The following NAALADL2 variants were observed in gnomAD, a reference collection of about 807,000 sequenced individuals.
NAALADL2 encodes the protein N-acetylated alpha-linked acidic dipeptidase like 2.
NAALADL2 carries 76 observed loss-of-function variants against 87.2 expected under a neutral mutation model. That is an observed-to-expected ratio of 0.87 (90% CI 0.72 to 1.05). The LOEUF (loss-of-function observed/expected upper bound fraction) is 1.05. Among genes scored for constraint, NAALADL2 ranks in the 50% least tolerant of loss-of-function variants. NAALADL2 has a pLI of 0.00. For synonymous variants in NAALADL2, 354 were observed against 331.0 expected, an observed-to-expected ratio of 1.07 and a Z score of -0.75; for missense variants, 1,089 against 945.8, an observed-to-expected ratio of 1.15 and a Z score of -1.99.
intron 4 of NAALADL2, among the ~76,000 whole-genome samples, chr3:175,315,843 A>G (rs2110347324): frequency 6.6e-6 from 1 of 152,308 alleles, no homozygotes; most frequent in African/African-American, 2.4e-5. Flanking sequence ...ATTCCCATAA[A>G]CCACATCATA....
intron 1 of NAALADL2, among the ~76,000 whole-genome samples, chr3:174,981,109 T>G (rs1340160512): frequency 6.6e-6 from 1 of 152,122 alleles, no homozygotes; most frequent in Non-Finnish European, 1.5e-5. Context: ...ATTAAAATAG[T>G]AAGAGAAAGT....
At position 174,883,083 on chromosome 3, in the gene NAALADL2, G is replaced by A. The variant is rs560801646; in HGVS notation, c.43+23633G>A. Among the ~76,000 whole-genome samples the A allele has an allele frequency of 5.3e-5, 8 of 152,102 alleles. No homozygotes were observed. In the South Asian group the frequency reaches 1.5e-3, roughly 28 times the overall value. On this transcript the variant is annotated intron_variant, in intron 1 of 13. Transcript: ENST00000454872. ...AGGGCAGGAAGCATCCAGCATGGGG[G>A]AAAGATGTAGGCTTGGAGGCTAGAC... is the stretch of plus-strand genomic sequence containing the variant.
At chr3:175,218,004 A>T in intron 2 of NAALADL2, 1 of 349,024 alleles carries the variant, frequency 2.9e-6, no homozygotes, top group South Asian at 2.3e-5. Flanking sequence ...GCTGTCATTA[A>T]TGTATAGCCT....
At position 175,419,305 on chromosome 3, in the gene NAALADL2, A is replaced by G. The variant is rs147992217; in HGVS notation, c.1091-27924A>G. On this transcript the variant is annotated intron_variant, in intron 5 of 13. Transcript: ENST00000454872. ...GGATACAAGTCAGTATGATATAAAT[A>G]TTTCAATAATATACTTGTATGTCCT... Among the ~76,000 whole-genome samples the G allele has an allele frequency of 3.9e-3, 599 of 152,008 alleles. 4 individuals carry two copies. Among genetic ancestry groups the G allele is most frequent in the African/African-American group, 0.012 (507 of 41,542 alleles).
At chr3:175,192,763 C>G (rs1277787362) in intron 2 of NAALADL2, among the ~76,000 whole-genome samples, 1 of 151,980 alleles carries the variant, frequency 6.6e-6, no homozygotes, top group Non-Finnish European at 1.5e-5. Context: ...GTATACTCAT[C>G]AAATCAGTAG....
intron 1 of NAALADL2, among the ~76,000 whole-genome samples, chr3:174,473,965 C>G (rs1717061544): frequency 6.6e-6 from 1 of 152,022 alleles, no homozygotes; most frequent in African/African-American, 2.4e-5. Flanking sequence ...CACAGGGTGG[C>G]AGGAGAGAGA....
chr3:175,402,293 G>A (rs186183532), intron 5 of NAALADL2, among the ~76,000 whole-genome samples: 1 of 152,102 alleles, frequency 6.6e-6, no homozygotes, highest in African/African-American at 2.4e-5. Flanking sequence ...ACTTTTAATA[G>A]AAAGCAATCA....
chr3:174,445,394 TC>T (rs1355068961), intron 1 of NAALADL2, among the ~76,000 whole-genome samples: 2 of 152,230 alleles, frequency 1.3e-5, no homozygotes, highest in East Asian at 3.9e-4. Context: ...ATAATTATAG[TC>T]CCAGTTATGT....
chr3:174,803,500 G>T (rs6445182), intron 3 of NAALADL2, among the ~76,000 whole-genome samples: 146,988 of 152,254 alleles, frequency 0.97, 71,009 homozygotes, highest in East Asian at 1. Flanking sequence ...TTTGTCAATT[G>T]TGGCTTTTGT....
intron 9 of NAALADL2, among the ~76,000 whole-genome samples, chr3:175,496,107 T>G (rs542786330): frequency 6.6e-6 from 1 of 152,234 alleles, no homozygotes; most frequent in Non-Finnish European, 1.5e-5. Context: ...GTCATTAATA[T>G]GAGATAATGC....
intron 1 of NAALADL2, among the ~76,000 whole-genome samples, chr3:174,999,763 C>T (rs1747984376): frequency 6.6e-6 from 1 of 152,122 alleles, no homozygotes; most frequent in South Asian, 2.1e-4. Flanking sequence ...TGGACACAGA[C>T]ATTTTTCAAT....
At chr3:175,137,776 T>G (rs1283205796) in intron 2 of NAALADL2, among the ~76,000 whole-genome samples, 1 of 149,464 alleles carries the variant, frequency 6.7e-6, no homozygotes, top group East Asian at 2.0e-4. Flanking sequence ...GTTTGTTTTG[T>G]TTTGTTTTGT....
At chr3:175,554,025 GCTGA>G (rs1714867747) in intron 9 of NAALADL2, among the ~76,000 whole-genome samples, 1 of 152,112 alleles carries the variant, frequency 6.6e-6, no homozygotes, top group Admixed American at 6.5e-5. Context: ...ATAGGAAGTG[GCTGA>G]CTGCTTCATA....
chr3:174,672,389 C>T (rs559779081), intron 2 of NAALADL2, among the ~76,000 whole-genome samples: 1 of 152,036 alleles, frequency 6.6e-6, no homozygotes, highest in South Asian at 2.1e-4. Flanking sequence ...ACATTCAGTA[C>T]ATGTTTATTG....
At chr3:175,167,538 C>T (rs1734176284) in intron 2 of NAALADL2, among the ~76,000 whole-genome samples, 1 of 151,912 alleles carries the variant, frequency 6.6e-6, no homozygotes. Context: ...TTTGCAAAGT[C>T]CAGTGAAAAA....
At chr3:175,506,086 T>G (rs1279983444) in intron 9 of NAALADL2, among the ~76,000 whole-genome samples, 7 of 152,138 alleles carry the variant, frequency 4.6e-5, no homozygotes, top group African/African-American at 1.7e-4. Context: ...TTCTGATACC[T>G]CAAGACACTA....
At chr3:175,786,854 TG>T (rs1752048173) in intron 13 of NAALADL2, among the ~76,000 whole-genome samples, 1 of 152,174 alleles carries the variant, frequency 6.6e-6, no homozygotes, top group Non-Finnish European at 1.5e-5. Flanking sequence ...TATCTACTTT[TG>T]GTCTTTGATT....
intron 5 of NAALADL2, among the ~76,000 whole-genome samples, chr3:175,342,665 T>G (rs1762686622): frequency 6.6e-6 from 1 of 152,124 alleles, no homozygotes; most frequent in Admixed American, 6.6e-5. Context: ...TCTGACTTTC[T>G]TAAATTATGG....
intron 2 of NAALADL2, among the ~76,000 whole-genome samples, chr3:175,232,678 A>G (rs1054379612): frequency 1.3e-5 from 2 of 152,218 alleles, no homozygotes; most frequent in African/African-American, 2.4e-5. Flanking sequence ...CCCACGGGCC[A>G]TAGGTTGAAC....
Sources: allele counts gnomAD v4.1 joint callset (sites outside exome capture counted in the v4.1 genomes callset), GRCh38; gene constraint gnomAD v4.1.1; transcripts MANE v1.5; gene names NCBI Gene and HGNC (gene_info 2026-07-23, HGNC 2026-07-21).